The following LHX5 variants were observed in gnomAD, a reference collection of about 807,000 sequenced individuals.
LHX5 encodes LIM homeobox 5.
Under a neutral mutation model 30.6 loss-of-function variants are expected in LHX5, and 5 were observed. That is an observed-to-expected ratio of 0.16 (90% CI 0.09 to 0.34). The LOEUF is 0.34. Among genes scored for constraint, LHX5 ranks in the 10% least tolerant of loss-of-function variants. LHX5 has a pLI of 1.00. For missense variants in LHX5, 458 were observed against 570.6 expected (o/e 0.80, Z 2.01); for synonymous variants, 266 against 252.6 (o/e 1.05, Z -0.50).
rs1036216362 is a variant in LHX5 at position 113,465,724 on chromosome 12, C to G, written c.841+1532G>C. On this transcript the variant is annotated intron_variant, in intron 4 of 4. Coordinates refer to ENST00000261731, the MANE Select transcript of LHX5 (RefSeq NM_022363.3). This position sits in a 1 kb window ranked among gnomAD's most constrained non-coding sequence, Gnocchi z 6.7. ...ATCCAGGCGGGGAAAAATTCCGGGC[C>G]GGTACCGCCCCCACTACCTCGCTGC... Among the ~76,000 whole-genome samples the G allele has an allele frequency of 2.6e-5, 4 of 152,226 alleles. No homozygotes were observed. Among genetic ancestry groups the G allele is most frequent in the Non-Finnish European group, 4.4e-5 (3 of 68,038 alleles).
chr12:113,471,401 C>T lies in LHX5; in HGVS notation c.98G>A (p.Cys33Tyr), dbSNP rs570799483. Residue 33 changes from cysteine (C) to tyrosine (Y), a missense_variant, in exon 1 of 5, where the codon TGC (cysteine) becomes TAC (tyrosine). Cys to Tyr is a radical substitution (Grantham distance 194). Transcript: ENST00000261731. ...RAWHIKCVQC[C>Y]ECKTNLSEKC... The stretch of plus-strand genomic sequence containing the variant: ...CTCCGAGAGGTTGGTTTTGCACTCG[C>T]AGCACTGAACACATTTGATGTGCCA... 1 of 1,613,944 alleles carries T rather than the reference C, an allele frequency of 6.2e-7. No individual in the cohort carries two copies. Among genetic ancestry groups the T allele is most frequent in the South Asian group, 1.1e-5 (1 of 91,060 alleles).
At position 113,464,550 on chromosome 12, in the gene LHX5, G is replaced by T. The variant is rs1353068323; in HGVS notation, c.842-993C>A. On this transcript the variant is annotated intron_variant, in intron 4 of 4. Coordinates refer to ENST00000261731, the MANE Select transcript of LHX5 (RefSeq NM_022363.3). This position sits in a 1 kb window ranked among gnomAD's most constrained non-coding sequence, Gnocchi z 6.2. ...CATTTGTACCGGCCTAGCCTAGCCT[G>T]AGAAAGAGAAAACTGAGCTCCAGCG... is the stretch of plus-strand genomic sequence containing the variant. Among the ~76,000 whole-genome samples, 1 of 152,166 alleles carries T rather than the reference G, an allele frequency of 6.6e-6. No individual in the cohort carries two copies. The highest frequency in any genetic ancestry group is 1.5e-5 in the Non-Finnish European group (1 of 68,028).
intron 2 of LHX5, 40 bp downstream of exon 2, chr12:113,469,082 T>G: frequency 6.8e-7 from 1 of 1,480,044 alleles, no homozygotes. Context: ...GGTGGGAGGG[T>G]GCTAAGGCCT....
chr12:113,463,042 A>C lies in LHX5; in HGVS notation c.*148T>G. On this transcript the variant is annotated 3_prime_UTR_variant, in exon 5 of 5. Transcript: ENST00000261731. This position sits in a 1 kb window ranked among gnomAD's most constrained non-coding sequence, Gnocchi z 6.7. Reference sequence around the variant, plus strand: ...GCCCCCCCTCGGCGCCCAGCCGAGGAGCAGCTGCCAGTTGAGTGCGGACCC... The same window carrying C: ...GCCCCCCCTCGGCGCCCAGCCGAGGCGCAGCTGCCAGTTGAGTGCGGACCC... 9 of 667,912 alleles carry C rather than the reference A, an allele frequency of 1.3e-5. No homozygotes were observed. Among genetic ancestry groups the C allele is most frequent in the Non-Finnish European group, 1.9e-5 (8 of 432,126 alleles). 41.4% of individuals were successfully genotyped at this position (667,912 alleles called of 1,614,324 possible).
chr12:113,464,218 G>A lies in LHX5; in HGVS notation c.842-661C>T, dbSNP rs568089400. 1.3e-5 allele frequency among the ~76,000 whole-genome samples: 2 copies of A among 152,344 alleles called. No individual in the cohort carries two copies. The highest frequency in any genetic ancestry group is 3.9e-4 in the East Asian group (2 of 5,184). On this transcript the variant is annotated intron_variant, in intron 4 of 4. Coordinates refer to ENST00000261731, the MANE Select transcript of LHX5 (RefSeq NM_022363.3). This position sits in a 1 kb window ranked among gnomAD's most constrained non-coding sequence, Gnocchi z 6.2. ...AGCCCGAAGATGGAGAGAAGTCGAT[G>A]CGCCCAGAGAACGCAAGACGGTGGA...
chr12:113,467,244 G>T lies in LHX5; in HGVS notation c.841+12C>A. 1 of 1,437,060 alleles carries T rather than the reference G, an allele frequency of 7.0e-7. No homozygotes were observed. The highest frequency in any genetic ancestry group is 2.7e-5 in the East Asian group (1 of 37,484). The allele number at this position is 1,437,060 out of a possible 1,614,324, so 89.0% of individuals were successfully genotyped here. A position where few individuals can be genotyped will look rare whatever the true frequency, so the allele number is the denominator to read the frequency against. On this transcript the variant is annotated intron_variant, in intron 4 of 4. Transcript: ENST00000261731. This position sits in a 1 kb window ranked among gnomAD's most constrained non-coding sequence, Gnocchi z 6.3. The stretch of plus-strand genomic sequence containing the variant: ...ACAGGTGCGGAACAGCGAATCCCGG[G>T]GCGCCCCTTACCTCCGTAGTAGGTG...
chr12:113,470,987 G>A (rs1958246569), intron 1 of LHX5, among the ~76,000 whole-genome samples: 1 of 152,184 alleles, frequency 6.6e-6, no homozygotes, highest in East Asian at 1.9e-4. Context: ...CTCTCTCTCG[G>A]GACGGGGCTT....
At position 113,465,583 on chromosome 12, in the gene LHX5, G is replaced by A. The variant is rs1389525660; in HGVS notation, c.841+1673C>T. Among the ~76,000 whole-genome samples, 1 of 152,222 alleles carries A rather than the reference G, an allele frequency of 6.6e-6. No homozygotes were observed. The highest frequency in any genetic ancestry group is 1.5e-5 in the Non-Finnish European group (1 of 68,026). On this transcript the variant is annotated intron_variant, in intron 4 of 4. Transcript: ENST00000261731. This position sits in a 1 kb window ranked among gnomAD's most constrained non-coding sequence, Gnocchi z 6.7. ...CTGGGGAGTCTTCCCCACCATTACG[G>A]GGAACGAGGGGCCCCCAGTATCCAG...
chr12:113,467,961 G>T lies in LHX5; in HGVS notation c.675+166C>A, dbSNP rs1958225001. The stretch of plus-strand genomic sequence containing the variant: ...CAGCAGGGCTAGATGGAATCTTTCG[G>T]TTCACAGTCCCCGACCTCGGGCAAG... On this transcript the variant is annotated intron_variant, in intron 3 of 4. Transcript: ENST00000261731. This position sits in a 1 kb window ranked among gnomAD's most constrained non-coding sequence, Gnocchi z 6.3. Among the ~76,000 whole-genome samples, 1 of 152,244 alleles carries T rather than the reference G, an allele frequency of 6.6e-6. No individual in the cohort carries two copies. Among genetic ancestry groups the T allele is most frequent in the African/African-American group, 2.4e-5 (1 of 41,468 alleles).
rs937065353 is a variant in LHX5 at position 113,471,558 on chromosome 12, G to A, written c.-60C>T. ...CTCCCTTTGGGCCCCTGGCCCTCGG[G>A]CCTGCCGGGCCCTCCGCTGCCCTTC... On this transcript the variant is annotated 5_prime_UTR_variant, in exon 1 of 5. Transcript: ENST00000261731. 4.7e-6 allele frequency: 7 copies of A among 1,479,472 alleles called. No homozygotes were observed. The highest frequency in any genetic ancestry group is 6.4e-6 in the Non-Finnish European group (7 of 1,097,588). 91.6% of individuals were successfully genotyped at this position (1,479,472 alleles called of 1,614,324 possible).
intron 1 of LHX5, among the ~76,000 whole-genome samples, chr12:113,471,052 G>C (rs982468337): frequency 1.4e-4 from 21 of 152,230 alleles, no homozygotes; most frequent in African/African-American, 4.6e-4. Flanking sequence ...GGAGTGGATA[G>C]CAAGTTTGTC....
chr12:113,463,621 C>CGGGACCCGGGGAG lies in LHX5; in HGVS notation c.842-77_842-65dup. 2.1e-6 allele frequency: 3 copies of CGGGACCCGGGGAG among 1,449,332 alleles called. No homozygotes were observed. The highest frequency in any genetic ancestry group is 2.9e-5 in the African/African-American group (2 of 68,816). The allele number at this position is 1,449,332 out of a possible 1,614,324, so 89.8% of individuals were successfully genotyped here. A position where few individuals can be genotyped will look rare whatever the true frequency, so the allele number is the denominator to read the frequency against. ...GAGAAGGCGAAGTAGGCGGGGGACC[C>CGGGACCCGGGGAG]GGGACCCGGGGAGGGGACCCGGGCG... On this transcript the variant is annotated intron_variant, in intron 4 of 4. Coordinates refer to ENST00000261731, the MANE Select transcript of LHX5 (RefSeq NM_022363.3). This position sits in a 1 kb window ranked among gnomAD's most constrained non-coding sequence, Gnocchi z 6.7.
In LHX5 at chr12:113,467,453, A is replaced by G; in HGVS notation, c.676-32T>C. 6.8e-7 allele frequency: 1 copy of G among 1,461,094 alleles called. No individual in the cohort carries two copies. Among genetic ancestry groups the G allele is most frequent in the East Asian group, 2.6e-5 (1 of 39,066 alleles). 90.5% of individuals were successfully genotyped at this position (1,461,094 alleles called of 1,614,324 possible). ...CAGAGGAGGGGGCTGTGAACCCAGG[A>G]TCAGGAGTGTCCTCTCCCCCCCTCT... On this transcript the variant is annotated intron_variant, in intron 3 of 4. Coordinates refer to ENST00000261731, the MANE Select transcript of LHX5 (RefSeq NM_022363.3). This position sits in a 1 kb window ranked among gnomAD's most constrained non-coding sequence, Gnocchi z 6.3.
rs903355163 is a variant in LHX5, at chr12:113,463,019, C to T, written c.*171G>A. 4.5e-5 allele frequency: 27 copies of T among 597,524 alleles called. No homozygotes were observed. The highest frequency in any genetic ancestry group is 2.5e-5 in the Non-Finnish European group (9 of 364,106). The allele number at this position is 597,524 out of a possible 1,614,324, so 37.0% of individuals were successfully genotyped here. On this transcript the variant is annotated 3_prime_UTR_variant, in exon 5 of 5. Transcript: ENST00000261731. The surrounding 1 kb of genome is among the most constrained non-coding windows in gnomAD (Gnocchi z 6.7). ...CCGCGGGGTGGAGATGGGGGTCGGC[C>T]CCCCCTCGGCGCCCAGCCGAGGAGC...
Position 113,463,279 on chromosome 12 carries a change from T to G in LHX5, c.1120A>C (p.Ser374Arg), listed in dbSNP as rs1460736322. The G allele has an allele frequency of 4.6e-6, 7 of 1,519,380 alleles. No homozygotes were observed. Among genetic ancestry groups the G allele is most frequent in the Middle Eastern group, 2.0e-4 (1 of 5,024 alleles). 94.1% of individuals were successfully genotyped at this position (1,519,380 alleles called of 1,614,324 possible). ...MPGEVFSGGP[S>R]PPFPMSGTSG... is the part of the protein sequence containing the mutation. ...GTGCCGCTCATTGGGAAGGGCGGGC[T>G]GGGCCCGCCGCTGAATACCTCGCCG... Residue 374 changes from serine (S) to arginine (R), a missense_variant, in exon 5 of 5, where the codon AGC (serine) becomes CGC (arginine). By Grantham distance (110) the Ser-to-Arg change is moderately radical. This residue lies in a region of LHX5 where 255 missense variants were observed against 246.8 expected (regional missense o/e 1.03). Transcript: ENST00000261731. This position sits in a 1 kb window ranked among gnomAD's most constrained non-coding sequence, Gnocchi z 6.7.
Position 113,462,909 on chromosome 12 carries a change from C to A in LHX5, c.*281G>T, listed in dbSNP as rs569651611. On this transcript the variant is annotated 3_prime_UTR_variant, in exon 5 of 5. Coordinates refer to ENST00000261731, the MANE Select transcript of LHX5 (RefSeq NM_022363.3). The stretch of plus-strand genomic sequence containing the variant: ...CTAGAGCGTGCTCGAAATCTCTTGA[C>A]CCTCCGGAGTATTGACTTTGGTCCC... 190 of 340,920 alleles carry A rather than the reference C, an allele frequency of 5.6e-4. No homozygotes were observed. The highest frequency in any genetic ancestry group is 9.0e-4 in the Non-Finnish European group (169 of 186,898). The allele number at this position is 340,920 out of a possible 1,614,324, so 21.1% of individuals were successfully genotyped here. A position where few individuals can be genotyped will look rare whatever the true frequency, so the allele number is the denominator to read the frequency against.
chr12:113,470,148 T>C (rs1958239491), intron 1 of LHX5, among the ~76,000 whole-genome samples: 1 of 152,160 alleles, frequency 6.6e-6, no homozygotes, highest in African/African-American at 2.4e-5. Flanking sequence ...TCTTTCTTCT[T>C]TGAGCTCAGG....
At position 113,462,474 on chromosome 12, in the gene LHX5, G is replaced by GACCC. The variant is rs1958179611; in HGVS notation, c.*712_*715dup. On this transcript the variant is annotated 3_prime_UTR_variant, in exon 5 of 5. Coordinates refer to ENST00000261731, the MANE Select transcript of LHX5 (RefSeq NM_022363.3). ...TCAAAGTAAGGAAGAGCGGGAGCTGGACCCGGCTGGCCACTTCCTGACCCA... is the reference window on the plus strand; with the variant it reads ...TCAAAGTAAGGAAGAGCGGGAGCTGGACCCACCCGGCTGGCCACTTCCTGACCCA... 6.6e-6 allele frequency: 1 copy of GACCC among 152,184 alleles called. No homozygotes were observed. The highest frequency in any genetic ancestry group is 1.5e-5 in the Non-Finnish European group (1 of 68,088). The allele number at this position is 152,184 out of a possible 1,614,324, so 9.4% of individuals were successfully genotyped here. A position where few individuals can be genotyped will look rare whatever the true frequency, so the allele number is the denominator to read the frequency against.
chr12:113,469,267 G>T lies in LHX5; in HGVS notation c.252C>A (p.Val84=), dbSNP rs201387217. 50 of 1,614,262 alleles carry T rather than the reference G, an allele frequency of 3.1e-5. No individual in the cohort carries two copies. The African/African-American group carries it at 5.7e-4, about 18-fold the overall frequency. Residue 84 remains valine, a synonymous_variant, in exon 2 of 5, where the codon GTC becomes GTA. Transcript: ENST00000261731. ...SDLVRKARSK[V]FHLNCFTCMV... ...TGCAGGTGAAACAGTTGAGGTGAAA[G>T]ACTTTGCTCCGGGCCTTGCGCACCA... is the stretch of plus-strand genomic sequence containing the variant.
Sources: gnomAD v4.1 joint callset for allele counts (sites outside exome capture counted in the v4.1 genomes callset) on GRCh38, gnomAD v4.1.1 for gene constraint, gnomAD v4.1.1 regional missense constraint, Gnocchi (gnomAD v3.1) non-coding constraint, MANE v1.5 for transcripts, NCBI Gene and HGNC (gene_info 2026-07-23, HGNC 2026-07-21) for gene names.